Variants in CELSR3 observed in about 807,000 individuals in gnomAD.
CELSR3 encodes the protein EGF-like protein 1.
A neutral mutation model predicts 270.0 loss-of-function variants in CELSR3; 73 were observed. The observed-to-expected ratio is 0.27, with a 90% CI of 0.22 to 0.33. The LOEUF (loss-of-function observed/expected upper bound fraction) is 0.33, where lower values mean the gene tolerates loss of function less well. Among genes scored for constraint, CELSR3 ranks in the 10% least tolerant of loss-of-function variants. CELSR3 has a pLI of 1.00. For synonymous variants in CELSR3, 1,780 were observed against 1,905.4 expected (o/e 0.93, Z 1.71); for missense variants, 3,614 against 4,533.8 (o/e 0.80, Z 5.83).
At position 48,641,558 on chromosome 3, in the gene CELSR3, G is replaced by T. The variant is rs1180986759; in HGVS notation, c.8825-34C>A. ...CCAGGTCAGGTTACAGGAGCTTCTG[G>T]GTTGATCCCAGTGACTCATGACCCC... On this transcript the variant is annotated intron_variant, in intron 32 of 34. Transcript: ENST00000164024. This position sits in a 1 kb window ranked among gnomAD's most constrained non-coding sequence, Gnocchi z 4.8. 4.6e-6 allele frequency: 7 copies of T among 1,525,324 alleles called. No homozygotes were observed. The East Asian group carries it at 1.1e-4, about 25-fold the overall frequency. The allele number at this position is 1,525,324 out of a possible 1,614,324, so 94.5% of individuals were successfully genotyped here.
In CELSR3 at chr3:48,639,935, A is replaced by G. The variant is rs1468266103; in HGVS notation, c.9650T>C (p.Leu3217Pro). 37 of 1,612,862 alleles carry G rather than the reference A, an allele frequency of 2.3e-5. No homozygotes were observed. The highest frequency in any genetic ancestry group is 4.0e-5 in the African/African-American group (3 of 74,934). ...VPSRHPSREALGPLPQLLRAR... is the reference protein window; with the variant it reads ...VPSRHPSREAPGPLPQLLRAR... ...TCTGAGCAGCTGCGGGAGTGGCCCA[A>G]GGGCTTCTCGTGAGGGGTGCCGGCT... Residue 3217 changes from leucine (L) to proline (P), a missense_variant, in exon 34 of 35, where the codon CTT (leucine) becomes CCT (proline). By Grantham distance (98) the Leu-to-Pro change is moderately conservative (BLOSUM62 -3). Around this residue, in one of 7 missense-constraint regions of CELSR3, gnomAD observed 1,240 missense variants for 1,351.7 expected, o/e 0.92. Coordinates refer to ENST00000164024, the MANE Select transcript of CELSR3 (RefSeq NM_001407.3). The surrounding 1 kb of genome is among the most constrained non-coding windows in gnomAD (Gnocchi z 4.1).
chr3:48,650,383 A>C lies in CELSR3; in HGVS notation c.6472+97T>G. The C allele has an allele frequency of 9.9e-7, 1 of 1,005,054 alleles. No individual in the cohort carries two copies. 62.3% of individuals were successfully genotyped at this position (1,005,054 alleles called of 1,614,324 possible). ...CACCCCACTTCCACCTCTTTGCAGG[A>C]ACAAAGCCACCCAATTTAGGAAAAG... On this transcript the variant is annotated intron_variant, in intron 16 of 34. Transcript: ENST00000164024. This position sits in a 1 kb window ranked among gnomAD's most constrained non-coding sequence, Gnocchi z 5.1.
Position 48,651,192 on chromosome 3 carries a change from G to A in CELSR3, c.6187-117C>T. ...ATGGGCCAGAGGACACCTGGGTCAT[G>A]CGTGAAGCCAAGGGAGGGGTCACGG... On this transcript the variant is annotated intron_variant, in intron 14 of 34. Coordinates refer to ENST00000164024, the MANE Select transcript of CELSR3 (RefSeq NM_001407.3). This position sits in a 1 kb window ranked among gnomAD's most constrained non-coding sequence, Gnocchi z 7.4. 2 of 1,433,370 alleles carry A rather than the reference G, an allele frequency of 1.4e-6. No homozygotes were observed. Among genetic ancestry groups the A allele is most frequent in the East Asian group, 4.6e-5 (2 of 43,602 alleles). 88.8% of individuals were successfully genotyped at this position (1,433,370 alleles called of 1,614,324 possible). A position where few individuals can be genotyped will look rare whatever the true frequency, so the allele number is the denominator to read the frequency against.
At chr3:48,643,123 C>A in intron 28 of CELSR3, 40 bp from the exon 29 acceptor site, 1 of 1,328,470 alleles carries the variant, frequency 7.5e-7, no homozygotes, top group Non-Finnish European at 1.1e-6. Flanking sequence ...CGGCAGGGAT[C>A]AATCAGGGAC....
chr3:48,648,114 G>T, intron 19 of CELSR3, 118 bp from the exon 20 acceptor site: 1 of 1,454,956 alleles, frequency 6.9e-7, no homozygotes, highest in Non-Finnish European at 9.4e-7. Flanking sequence ...TGTGCTACCA[G>T]CTCGGAGCCT....
Position 48,639,574 on chromosome 3 carries a change from G to A in CELSR3, c.9911+100C>T. 6.7e-7 allele frequency: 1 copy of A among 1,502,108 alleles called. No homozygotes were observed. The highest frequency in any genetic ancestry group is 9.0e-7 in the Non-Finnish European group (1 of 1,106,114). The allele number at this position is 1,502,108 out of a possible 1,614,324, so 93.0% of individuals were successfully genotyped here. A position where few individuals can be genotyped will look rare whatever the true frequency, so the allele number is the denominator to read the frequency against. ...AGCCTGGGGTAGCCCACACCTGTCT[G>A]CCAGCCCTCATCCCCTTCTGTGGCA... On this transcript the variant is annotated intron_variant, in intron 34 of 34. Coordinates refer to ENST00000164024, the MANE Select transcript of CELSR3 (RefSeq NM_001407.3). The surrounding 1 kb of genome is among the most constrained non-coding windows in gnomAD (Gnocchi z 4.1).
intron 16 of CELSR3, among the ~76,000 whole-genome samples, chr3:48,649,481 C>T (rs2047117506): frequency 6.6e-6 from 1 of 152,234 alleles, no homozygotes; most frequent in South Asian, 2.1e-4. Context: ...CCCACGTGGG[C>T]CAGGACTGGC....
intron 28 of CELSR3, 106 bp downstream of exon 28, chr3:48,643,448 C>G (rs1391850022): frequency 2.2e-5 from 32 of 1,423,082 alleles, no homozygotes; most frequent in Non-Finnish European, 3.0e-5. Flanking sequence ...GCAAAGTTAT[C>G]CAGTAAGAGT....
intron 28 of CELSR3, 93 bp from the exon 29 acceptor site, chr3:48,643,176 A>C (rs904397031): frequency 1.2e-6 from 1 of 851,610 alleles, no homozygotes; most frequent in Non-Finnish European, 1.9e-6. Flanking sequence ...CAGTCACTGT[A>C]GGCTAGTGTG....
At position 48,656,278 on chromosome 3, in the gene CELSR3, C is replaced by T; in HGVS notation, c.4487G>A (p.Gly1496Asp). The change falls in exon 3 of 35, where the codon GGC (glycine) becomes GAC (aspartate). Residue 1496 changes from glycine (G) to aspartate (D), a missense_variant. Around this residue, in one of 7 missense-constraint regions of CELSR3, gnomAD observed 1,331 missense variants for 1,933.7 expected, o/e 0.69. Transcript: ENST00000164024. ...TGCCGGGCACTGGCAGCGAAAGCCG[C>T]CGTTGGGCGCGTCGGTGCAGGTGCC... ...NGGTCTDAPN[G>D]GFRCQCPAGG... 6.5e-7 allele frequency: 1 copy of T among 1,532,672 alleles called. No individual in the cohort carries two copies. Among genetic ancestry groups the T allele is most frequent in the Non-Finnish European group, 8.7e-7 (1 of 1,145,394 alleles). 94.9% of individuals were successfully genotyped at this position (1,532,672 alleles called of 1,614,324 possible). A position where few individuals can be genotyped will look rare whatever the true frequency, so the allele number is the denominator to read the frequency against.
rs1223291161 is a variant in CELSR3, at chr3:48,662,069, C to A, written c.566G>T (p.Arg189Leu). Residue 189 changes from arginine to leucine, a missense_variant, in exon 1 of 35, where the codon CGG becomes CTG. By Grantham distance (102) the Arg-to-Leu change is moderately radical. Transcript: ENST00000164024. The surrounding 1 kb of genome is among the most constrained non-coding windows in gnomAD (Gnocchi z 7.1). ...HHGPKPVSSQ[R>L]NAGTGSRKRV... ...TTTGCGGGAGCCTGTCCCAGCGTTCCGCTGGGAGGACACCGGCTTGGGACC... is the reference window on the plus strand; with the variant it reads ...TTTGCGGGAGCCTGTCCCAGCGTTCAGCTGGGAGGACACCGGCTTGGGACC... The A allele has an allele frequency of 6.2e-7, 1 of 1,614,084 alleles. No individual in the cohort carries two copies.
Position 48,643,763 on chromosome 3 carries a change from C to A in CELSR3, c.8166-86G>T, listed in dbSNP as rs888563730. On this transcript the variant is annotated intron_variant, in intron 27 of 34. Coordinates refer to ENST00000164024, the MANE Select transcript of CELSR3 (RefSeq NM_001407.3). ...GGGAACACGGGAGGACACACAGGGGCCACACACGAAACGTGAAAAAAAGGA... is the reference window on the plus strand; with the variant it reads ...GGGAACACGGGAGGACACACAGGGGACACACACGAAACGTGAAAAAAAGGA... 8.2e-6 allele frequency: 12 copies of A among 1,461,688 alleles called. No homozygotes were observed. The South Asian group carries it at 1.4e-4, about 18-fold the overall frequency. The allele number at this position is 1,461,688 out of a possible 1,614,324, so 90.5% of individuals were successfully genotyped here.
Position 48,652,007 on chromosome 3 carries a change from C to G in CELSR3, c.5793G>C (p.Leu1931=), listed in dbSNP as rs1243767644. The change falls in exon 12 of 35, where the codon CTG becomes CTC. Residue 1931 remains leucine, a synonymous_variant. Transcript: ENST00000164024. This position sits in a 1 kb window ranked among gnomAD's most constrained non-coding sequence, Gnocchi z 4.3. ...LGSTPSGSPA[L]LPPSHRVNAE... ...CATTCACTCGGTGGCTGGGGGGTAG[C>G]AGGGCCGGGGAGCCAGAGGGTGTGG... The G allele has an allele frequency of 3.2e-6, 5 of 1,584,330 alleles. No homozygotes were observed. The highest frequency in any genetic ancestry group is 4.3e-6 in the Non-Finnish European group (5 of 1,167,990).
chr3:48,641,196 A>G lies in CELSR3; in HGVS notation c.9025+128T>C. 1.4e-6 allele frequency: 1 copy of G among 698,994 alleles called. No individual in the cohort carries two copies. Among genetic ancestry groups the G allele is most frequent in the Admixed American group, 2.3e-5 (1 of 43,736 alleles). The allele number at this position is 698,994 out of a possible 1,614,324, so 43.3% of individuals were successfully genotyped here. On this transcript the variant is annotated intron_variant, in intron 33 of 34. Coordinates refer to ENST00000164024, the MANE Select transcript of CELSR3 (RefSeq NM_001407.3). This position sits in a 1 kb window ranked among gnomAD's most constrained non-coding sequence, Gnocchi z 4.8. Reference sequence around the variant, plus strand: ...TGAGGACCGTGAAGCAGGCTAGAGAAGCAGAAGCGCCCTAGGTCAGAGTAA... The same window carrying G: ...TGAGGACCGTGAAGCAGGCTAGAGAGGCAGAAGCGCCCTAGGTCAGAGTAA...
chr3:48,644,984 G>A lies in CELSR3; in HGVS notation c.7972+51C>T, dbSNP rs1197809197. Reference sequence around the variant, plus strand: ...GGTCATGAGCAGGAGTGGGGACAGGGTCAGGGGTCAGGCCATGTGATGGTT... The same window carrying A: ...GGTCATGAGCAGGAGTGGGGACAGGATCAGGGGTCAGGCCATGTGATGGTT... On this transcript the variant is annotated intron_variant, in intron 25 of 34. Coordinates refer to ENST00000164024, the MANE Select transcript of CELSR3 (RefSeq NM_001407.3). This position sits in a 1 kb window ranked among gnomAD's most constrained non-coding sequence, Gnocchi z 4.8. The A allele has an allele frequency of 6.4e-7, 1 of 1,555,156 alleles. No homozygotes were observed. The highest frequency in any genetic ancestry group is 1.2e-5 in the South Asian group (1 of 82,930).
At position 48,661,575 on chromosome 3, in the gene CELSR3, C is replaced by A. The variant is rs752377568; in HGVS notation, c.1060G>T (p.Ala354Ser). Residue 354 changes from alanine to serine, a missense_variant, in exon 1 of 35, where the codon GCC becomes TCC. Ala to Ser is a moderately conservative substitution (Grantham distance 99). Coordinates refer to ENST00000164024, the MANE Select transcript of CELSR3 (RefSeq NM_001407.3). Reference protein sequence around the residue: ...VLRVVAQDPDAGEAGRLVYSL... With the variant: ...VLRVVAQDPDSGEAGRLVYSL... ...TAGACTAGGCGCCCGGCCTCGCCGGCGTCCGGGTCCTGAGCAACCACGCGT... is the reference window on the plus strand; with the variant it reads ...TAGACTAGGCGCCCGGCCTCGCCGGAGTCCGGGTCCTGAGCAACCACGCGT... 1.2e-6 allele frequency: 2 copies of A among 1,608,774 alleles called. No homozygotes were observed. Among genetic ancestry groups the A allele is most frequent in the South Asian group, 2.2e-5 (2 of 90,888 alleles).
In CELSR3 at chr3:48,659,332, A is replaced by T; in HGVS notation, c.3303T>A (p.His1101Gln). 6.2e-7 allele frequency: 1 copy of T among 1,614,168 alleles called. No homozygotes were observed. Among genetic ancestry groups the T allele is most frequent in the South Asian group, 1.1e-5 (1 of 91,076 alleles). The change falls in exon 1 of 35, where the codon CAT becomes CAA. Residue 1101 changes from histidine to glutamine, a missense_variant. Around this residue, in one of 7 missense-constraint regions of CELSR3, gnomAD observed 1,331 missense variants for 1,933.7 expected, o/e 0.69. Transcript: ENST00000164024. The surrounding 1 kb of genome is among the most constrained non-coding windows in gnomAD (Gnocchi z 8.1). ...AVDPDEGPNA[H>Q]IMYQIVEGNI... ...TCCCCTCCACGATCTGGTACATTAT[A>T]TGGGCATTGGGGCCTTCGTCAGGGT... is the stretch of plus-strand genomic sequence containing the variant.
chr3:48,653,486 A>G lies in CELSR3; in HGVS notation c.5448+133T>C. 1 of 1,054,820 alleles carries G rather than the reference A, an allele frequency of 9.5e-7. No individual in the cohort carries two copies. The highest frequency in any genetic ancestry group is 1.4e-6 in the Non-Finnish European group (1 of 709,382). The allele number at this position is 1,054,820 out of a possible 1,614,324, so 65.3% of individuals were successfully genotyped here. A position where few individuals can be genotyped will look rare whatever the true frequency, so the allele number is the denominator to read the frequency against. On this transcript the variant is annotated intron_variant, in intron 9 of 34. Transcript: ENST00000164024. This position sits in a 1 kb window ranked among gnomAD's most constrained non-coding sequence, Gnocchi z 6.5. ...GAAAGAGAATCAAGGGCTAGGGTCCAGAGCAGGGTCAAGTGTGGTTGGGAC... is the reference window on the plus strand; with the variant it reads ...GAAAGAGAATCAAGGGCTAGGGTCCGGAGCAGGGTCAAGTGTGGTTGGGAC...
At position 48,640,425 on chromosome 3, in the gene CELSR3, C is replaced by T. The variant is rs150459522; in HGVS notation, c.9160G>A (p.Gly3054Arg). 4.3e-5 allele frequency: 69 copies of T among 1,612,630 alleles called. No individual in the cohort carries two copies. The highest frequency in any genetic ancestry group is 6.7e-5 in the Admixed American group (4 of 60,016). The change falls in exon 34 of 35, where the codon GGG becomes AGG. Residue 3054 changes from glycine (G) to arginine (R), a missense_variant. Around this residue, in one of 7 missense-constraint regions of CELSR3, gnomAD observed 1,240 missense variants for 1,351.7 expected, o/e 0.92. Coordinates refer to ENST00000164024, the MANE Select transcript of CELSR3 (RefSeq NM_001407.3). This position sits in a 1 kb window ranked among gnomAD's most constrained non-coding sequence, Gnocchi z 7.5. ...AASYGRIYAGGGTGSLSQPAS... is the reference protein window; with the variant it reads ...AASYGRIYAGRGTGSLSQPAS... ...GGCTGTGAAAGGCTGCCCGTGCCCC[C>T]GCCAGCATAGATGCGACCGTAAGAG...
Sources: gnomAD v4.1 joint callset for allele counts (sites outside exome capture counted in the v4.1 genomes callset) on GRCh38, gnomAD v4.1.1 for gene constraint, gnomAD v4.1.1 regional missense constraint, Gnocchi (gnomAD v3.1) non-coding constraint, MANE v1.5 for transcripts, NCBI Gene and HGNC (gene_info 2026-07-23, HGNC 2026-07-21) for gene names.